Variants in PUDP observed in about 807,000 individuals in gnomAD.
The protein encoded by PUDP is pseudouridine-5'-phosphatase.
In PUDP, 8 loss-of-function variants were observed where a neutral mutation model predicts 9.4. The ratio of observed to expected loss-of-function variants is 0.85; its 90% confidence interval spans 0.50 to 1.53. The LOEUF is 1.53. Among genes scored for constraint, PUDP ranks in the 40% most tolerant of loss-of-function variants. The pLI is 0.00. For synonymous variants in PUDP, 99 were observed against 80.7 expected (o/e 1.23, Z -1.22); for missense variants, 188 against 189.7 (o/e 0.99, Z 0.05).
intron 1 of PUDP, among the ~76,000 whole-genome samples, chrX:7,116,178 G>A (rs1322272437): frequency 1.8e-5 from 2 of 111,902 alleles, no homozygotes; most frequent in Non-Finnish European, 3.8e-5. Context: ...CTTTACAGTT[G>A]GAAAAGGGAG....
intron 3 of PUDP, among the ~76,000 whole-genome samples, chrX:6,782,670 CT>C (rs2079557523): frequency 8.9e-6 from 1 of 112,344 alleles, no homozygotes; most frequent in African/African-American, 3.2e-5. Context: ...TTGGTCTCCC[CT>C]GATGTCCAAT....
Position 7,050,274 on chromosome X carries a change from C to T in PUDP, c.*22G>A, listed in dbSNP as rs1930060146. On this transcript the variant is annotated 3_prime_UTR_variant, in exon 4 of 4. Transcript: ENST00000381077. Reference sequence around the variant, plus strand: ...GTGGACCATGAGAGTGGGCTGGGGGCGGAAGACTGAGGCCCTCCCTCTCAC... The same window carrying T: ...GTGGACCATGAGAGTGGGCTGGGGGTGGAAGACTGAGGCCCTCCCTCTCAC... 2 of 1,200,122 alleles carry T rather than the reference C, an allele frequency of 1.7e-6. No individual in the cohort carries two copies. Among genetic ancestry groups the T allele is most frequent in the Middle Eastern group, 2.5e-4 (1 of 4,048 alleles).
At chrX:6,817,036 A>G (rs9724193) in intron 3 of PUDP, among the ~76,000 whole-genome samples, 41,177 of 94,882 alleles carry the variant, frequency 0.43, 8,449 homozygotes, top group African/African-American at 0.75. Flanking sequence ...ACTATATAGT[A>G]TATACAATAT....
At chrX:6,995,776 G>C (rs911685122) in intron 1 of PUDP, among the ~76,000 whole-genome samples, 4 of 107,683 alleles carry the variant, frequency 3.7e-5, no homozygotes, top group Admixed American at 1.0e-4. Flanking sequence ...AAGGGGCTTT[G>C]AGTTAATATT....
rs143092495 is a variant in PUDP at position 7,060,689 on chromosome X, A to G, written c.511-10217T>C. Reference sequence around the variant, plus strand: ...AGAGTAGCTGAATGTGGCATGACTCACGTCAATGCAAATGCAATTCATTTG... The same window carrying G: ...AGAGTAGCTGAATGTGGCATGACTCGCGTCAATGCAAATGCAATTCATTTG... On this transcript the variant is annotated intron_variant, in intron 3 of 3. Coordinates refer to ENST00000381077, the MANE Select transcript of PUDP (RefSeq NM_012080.5). Among the ~76,000 whole-genome samples the G allele has an allele frequency of 6.9e-3, 778 of 112,764 alleles. 6 individuals carry two copies. The highest frequency in any genetic ancestry group is 0.024 in the African/African-American group (743 of 31,068).
chrX:6,755,853 G>T (rs1294254409), intron 3 of PUDP, among the ~76,000 whole-genome samples: 1 of 109,868 alleles, frequency 9.1e-6, no homozygotes, highest in Non-Finnish European at 1.9e-5. Flanking sequence ...CACGAGAGAG[G>T]CATCCAAGTG....
At chrX:6,963,122 G>T (rs1404903841) in intron 3 of PUDP, among the ~76,000 whole-genome samples, 2 of 112,411 alleles carry the variant, frequency 1.8e-5, no homozygotes, top group Non-Finnish European at 3.8e-5. Context: ...TATCCAACTT[G>T]TCATGCTTCT....
At chrX:6,718,531 G>A (rs890877929) in intron 1 of PUDP, among the ~76,000 whole-genome samples, 2 of 111,704 alleles carry the variant, frequency 1.8e-5, no homozygotes, top group Non-Finnish European at 3.8e-5. Context: ...TCACTTATAA[G>A]TGGGAGCTAA....
chrX:6,759,777 TCATGAA>T (rs1925208516), intron 3 of PUDP, among the ~76,000 whole-genome samples: 4 of 111,989 alleles, frequency 3.6e-5, no homozygotes, highest in Non-Finnish European at 7.5e-5. Context: ...CAACATACTC[TCATGAA>T]TTCTGTTGGC....
chrX:6,997,040 AAAAT>A (rs1411154219), intron 1 of PUDP, among the ~76,000 whole-genome samples: 2 of 111,809 alleles, frequency 1.8e-5, no homozygotes, highest in African/African-American at 3.3e-5. Context: ...TAACTGAAAA[AAAAT>A]AAATAAATAA....
intron 3 of PUDP, among the ~76,000 whole-genome samples, chrX:6,959,223 C>T (rs754228447): frequency 9.0e-6 from 1 of 111,618 alleles, no homozygotes; most frequent in African/African-American, 3.3e-5. Flanking sequence ...AGCAATTCTG[C>T]CCCTCCCATC....
chrX:6,928,174 CCA>C (rs1928135731), intron 3 of PUDP, among the ~76,000 whole-genome samples: 1 of 110,844 alleles, frequency 9.0e-6, no homozygotes, highest in Admixed American at 9.6e-5. Flanking sequence ...CTCAAGTGAT[CCA>C]CCACCCCGGC....
intron 3 of PUDP, among the ~76,000 whole-genome samples, chrX:6,792,450 C>T (rs1569099570): frequency 9.2e-6 from 1 of 108,859 alleles, no homozygotes; most frequent in East Asian, 2.9e-4. Context: ...CACCCCTCCT[C>T]AAAAGTTGCC....
intron 1 of PUDP, among the ~76,000 whole-genome samples, chrX:6,710,071 C>T (rs1297083676): frequency 5.4e-5 from 6 of 111,817 alleles, no homozygotes; most frequent in Admixed American, 2.8e-4. Context: ...TGCAGTGAGC[C>T]GAGATAGTGC....
At chrX:7,075,378 G>A (rs183007423) in intron 3 of PUDP, among the ~76,000 whole-genome samples, 478 of 111,596 alleles carry the variant, frequency 4.3e-3, no homozygotes, top group African/African-American at 0.015. Flanking sequence ...GATGGCACAC[G>A]CCTGTAATCC....
At chrX:6,875,105 G>A (rs1319633222) in intron 3 of PUDP, among the ~76,000 whole-genome samples, 4 of 111,719 alleles carry the variant, frequency 3.6e-5, no homozygotes, top group Admixed American at 1.9e-4. Flanking sequence ...GTTTTGCTCT[G>A]TCGTCCAGGC....
chrX:6,982,569 G>A (rs1000377791), intron 1 of PUDP, among the ~76,000 whole-genome samples: 2 of 110,384 alleles, frequency 1.8e-5, no homozygotes, highest in African/African-American at 6.6e-5. Flanking sequence ...CATCTCAAAA[G>A]GCCAATCTTA....
chrX:7,106,410 G>A (rs1931884531), intron 1 of PUDP, among the ~76,000 whole-genome samples: 1 of 112,243 alleles, frequency 8.9e-6, no homozygotes, highest in African/African-American at 3.2e-5. Context: ...CACTTACTCA[G>A]GGCACAGCCT....
intron 3 of PUDP, among the ~76,000 whole-genome samples, chrX:6,890,935 CAAAAA>C (rs764486249): frequency 0.023 from 765 of 33,002 alleles, 4 homozygotes; most frequent in East Asian, 0.078. Context: ...CTCATCTCTC[CAAAAA>C]AAAAAAAAAA....
Sources: gnomAD v4.1 joint callset for allele counts (sites outside exome capture counted in the v4.1 genomes callset) on GRCh38, gnomAD v4.1.1 for gene constraint, MANE v1.5 for transcripts, NCBI Gene and HGNC (gene_info 2026-07-23, HGNC 2026-07-21) for gene names.